The following DIAPH2 variants were observed in gnomAD, a reference collection of about 807,000 sequenced individuals.
DIAPH2 encodes the protein protein diaphanous homolog 2.
A neutral mutation model predicts 92.7 loss-of-function variants in DIAPH2; 35 were observed. That is an observed-to-expected ratio of 0.38 (90% confidence interval 0.29 to 0.50). The LOEUF is 0.50. Among genes scored for constraint, DIAPH2 ranks in the 20% least tolerant of loss-of-function variants. The pLI is 0.94. For synonymous variants in DIAPH2, 301 were observed against 280.4 expected (o/e 1.07, Z -0.73); for missense variants, 701 against 819.5 (o/e 0.86, Z 1.77).
At chrX:97,254,319 C>T (rs2068216498) in intron 23 of DIAPH2, among the ~76,000 whole-genome samples, 1 of 110,106 alleles carries the variant, frequency 9.1e-6, no homozygotes, top group South Asian at 4.0e-4. Flanking sequence ...TGTTGAAACC[C>T]CATCTCTACT....
intron 4 of DIAPH2, among the ~76,000 whole-genome samples, chrX:96,759,612 G>A (rs5949456): frequency 1.1e-4 from 12 of 110,842 alleles, no homozygotes; most frequent in African/African-American, 3.9e-4. Flanking sequence ...ATTTTTCAAA[G>A]ACCTAAAGGC....
intron 23 of DIAPH2, among the ~76,000 whole-genome samples, chrX:97,295,508 C>A (rs184189389): frequency 9.0e-6 from 1 of 111,125 alleles, no homozygotes; most frequent in Admixed American, 9.6e-5. Context: ...ATGTGCCAGG[C>A]CTTTAACATT....
At chrX:96,698,963 T>A (rs776455965) in intron 1 of DIAPH2, among the ~76,000 whole-genome samples, 13 of 109,238 alleles carry the variant, frequency 1.2e-4, no homozygotes, top group Admixed American at 3.0e-4. Context: ...ACTCCTGGCC[T>A]CAAGTGATCC....
At chrX:96,840,398 A>G (rs186480581) in intron 4 of DIAPH2, among the ~76,000 whole-genome samples, 18 of 111,571 alleles carry the variant, frequency 1.6e-4, no homozygotes, top group African/African-American at 4.9e-4. Flanking sequence ...AATGCATTCA[A>G]TATGATCCTG....
chrX:97,182,997 T>C (rs1265560622), intron 22 of DIAPH2, among the ~76,000 whole-genome samples: 1 of 111,505 alleles, frequency 9.0e-6, no homozygotes, highest in Non-Finnish European at 1.9e-5. Flanking sequence ...GAAAGAACTT[T>C]GGTGAATACC....
At chrX:96,848,910 G>T (rs1039428594) in intron 4 of DIAPH2, among the ~76,000 whole-genome samples, 3 of 111,636 alleles carry the variant, frequency 2.7e-5, no homozygotes, top group African/African-American at 9.8e-5. Context: ...GAGTGGCGAT[G>T]GTTTTTTCCA....
intron 25 of DIAPH2, among the ~76,000 whole-genome samples, chrX:97,413,362 A>G (rs1249375944): frequency 1.8e-5 from 2 of 111,667 alleles, no homozygotes; most frequent in East Asian, 5.6e-4. Flanking sequence ...ACAACCCTTC[A>G]TGCTAAAAAC....
At chrX:97,416,204 T>G (rs1413003766) in intron 25 of DIAPH2, among the ~76,000 whole-genome samples, 1 of 112,312 alleles carries the variant, frequency 8.9e-6, no homozygotes, top group East Asian at 2.8e-4. Flanking sequence ...TCTTGTTACA[T>G]CAAATGTAAA....
intron 4 of DIAPH2, among the ~76,000 whole-genome samples, chrX:96,799,969 A>G (rs1048187541): frequency 9.0e-6 from 1 of 111,083 alleles, no homozygotes; most frequent in Non-Finnish European, 1.9e-5. Context: ...AATAATTCTT[A>G]TATGTGTGAG....
At chrX:97,589,028 A>ATATATATATATAT (rs1569430281) in intron 26 of DIAPH2, among the ~76,000 whole-genome samples, 5 of 9,675 alleles carry the variant, frequency 5.2e-4, no homozygotes, top group Non-Finnish European at 2.0e-3. Context: ...TATATATATA[A>ATATATATATATAT]AAGAATCAGA....
chrX:97,296,367 TATTA>T (rs774697289), intron 23 of DIAPH2, among the ~76,000 whole-genome samples: 169 of 112,065 alleles, frequency 1.5e-3, no homozygotes, highest in Non-Finnish European at 2.7e-3. Context: ...TCTCTTTATG[TATTA>T]ATTTATCTAT....
At chrX:96,897,656 A>G (rs1382276354) in intron 5 of DIAPH2, among the ~76,000 whole-genome samples, 1 of 111,172 alleles carries the variant, frequency 9.0e-6, no homozygotes, top group Non-Finnish European at 1.9e-5. Context: ...TCCAGTTTTT[A>G]AAAATCCAAG....
At chrX:96,830,116 T>C (rs1416326069) in intron 4 of DIAPH2, among the ~76,000 whole-genome samples, 2 of 111,480 alleles carry the variant, frequency 1.8e-5, no homozygotes, top group Non-Finnish European at 1.9e-5. Flanking sequence ...TACTGTATGA[T>C]AGATGAGGCA....
chrX:97,488,000 A>T (rs1395612507), intron 26 of DIAPH2, among the ~76,000 whole-genome samples: 1 of 110,596 alleles, frequency 9.0e-6, no homozygotes, highest in Non-Finnish European at 1.9e-5. Flanking sequence ...GTTTTGTTTC[A>T]TTTTGTTTTT....
intron 22 of DIAPH2, among the ~76,000 whole-genome samples, chrX:97,233,019 A>G (rs1352650877): frequency 1.8e-5 from 2 of 112,457 alleles, no homozygotes; most frequent in Non-Finnish European, 1.9e-5. Context: ...GTGTGTTATC[A>G]TCTGACTGAT....
At chrX:96,874,464 A>G (rs1033151673) in intron 4 of DIAPH2, among the ~76,000 whole-genome samples, 5 of 112,291 alleles carry the variant, frequency 4.5e-5, no homozygotes, top group African/African-American at 1.6e-4. Context: ...TAGTTTTAAA[A>G]GAGAAGTATA....
At chrX:96,702,136 T>A (rs1385535217) in intron 1 of DIAPH2, among the ~76,000 whole-genome samples, 1 of 112,179 alleles carries the variant, frequency 8.9e-6, no homozygotes, top group Non-Finnish European at 1.9e-5. Context: ...AAATGTATTT[T>A]AACACATTTC....
At chrX:96,886,532 A>T (rs2065263631) in intron 5 of DIAPH2, among the ~76,000 whole-genome samples, 1 of 111,629 alleles carries the variant, frequency 9.0e-6, no homozygotes. Context: ...CTTCCCCTTG[A>T]AAGTAAAGAA....
chrX:97,264,590 A>G (rs998771002), intron 23 of DIAPH2, among the ~76,000 whole-genome samples: 1 of 112,559 alleles, frequency 8.9e-6, no homozygotes, highest in Non-Finnish European at 1.9e-5. Flanking sequence ...TTGCACAAAT[A>G]TATTTTAGAA....
Sources: allele counts gnomAD v4.1 joint callset (sites outside exome capture counted in the v4.1 genomes callset), GRCh38; gene constraint gnomAD v4.1.1; transcripts MANE v1.5; gene names NCBI Gene and HGNC (gene_info 2026-07-23, HGNC 2026-07-21).